The following SPTLC3 variants were observed in gnomAD, a reference collection of about 807,000 sequenced individuals.
The protein encoded by SPTLC3 is serine palmitoyltransferase long chain base subunit 3.
A neutral mutation model predicts 59.3 loss-of-function variants in SPTLC3; 36 were observed. The observed-to-expected ratio is 0.61, with a 90% CI of 0.47 to 0.80. The LOEUF is 0.80. Among genes scored for constraint, SPTLC3 ranks in the 30% least tolerant of loss-of-function variants. The pLI is 0.00. For missense variants in SPTLC3, 625 were observed against 685.1 expected, an observed-to-expected ratio of 0.91 and a Z score of 0.98; for synonymous variants, 257 against 240.8, an observed-to-expected ratio of 1.07 and a Z score of -0.62.
At chr20:13,161,339 G>A (rs770693330) in intron 11 of SPTLC3, among the ~76,000 whole-genome samples, 89 of 152,172 alleles carry the variant, frequency 5.8e-4, no homozygotes, top group Non-Finnish European at 8.8e-5. Context: ...ATGTGTCCAT[G>A]GTCCACCTAT....
intron 1 of SPTLC3, among the ~76,000 whole-genome samples, chr20:13,020,270 T>G (rs2122384172): frequency 6.6e-6 from 1 of 151,782 alleles, no homozygotes; most frequent in Admixed American, 6.6e-5. Flanking sequence ...CTAAAGCTTT[T>G]GGAGGACAAG....
rs181825634 is a variant in SPTLC3 at position 13,100,696 on chromosome 20, A to G, written c.826+7119A>G. 1.1e-4 allele frequency among the ~76,000 whole-genome samples: 16 copies of G among 152,332 alleles called. No homozygotes were observed. In the East Asian group the frequency reaches 2.7e-3, roughly 26 times the overall value. On this transcript the variant is annotated intron_variant, in intron 6 of 11. Transcript: ENST00000399002. ...CTACTCTATCATTTATTCAGCTTTC[A>G]CTGGTATTAAGTTCTTAGCTAACTG...
At chr20:13,154,246 A>T in intron 10 of SPTLC3, 108 bp downstream of exon 10, 1 of 1,397,010 alleles carries the variant, frequency 7.2e-7, no homozygotes, top group Non-Finnish European at 9.8e-7. Flanking sequence ...GAGTGAGTTC[A>T]GAATTCACTC....
intron 8 of SPTLC3, among the ~76,000 whole-genome samples, chr20:13,121,535 G>A (rs147570335): frequency 6.6e-6 from 1 of 152,112 alleles, no homozygotes; most frequent in African/African-American, 2.4e-5. Context: ...AACAATCAGG[G>A]TTTTGAACTT....
chr20:13,102,093 T>G (rs1189835069), intron 6 of SPTLC3, among the ~76,000 whole-genome samples: 58 of 152,190 alleles, frequency 3.8e-4, no homozygotes, highest in Non-Finnish European at 2.5e-4. Context: ...GGCCAGTGTT[T>G]GCCAGAAAAC....
In SPTLC3 at chr20:13,048,998, A is replaced by G. The variant is rs1170059332; in HGVS notation, c.171A>G (p.Glu57=). The change falls in exon 2 of 12, where the codon GAA becomes GAG. Residue 57 remains glutamate, a synonymous_variant. Transcript: ENST00000399002. ...YDKLIVESFE[E]APLHVMVFTY... Reference sequence around the variant, plus strand: ...AGCTCATTGTTGAATCGTTTGAGGAAGCACCCCTTCATGTTATGGTTTTCA... The same window carrying G: ...AGCTCATTGTTGAATCGTTTGAGGAGGCACCCCTTCATGTTATGGTTTTCA... 3.7e-6 allele frequency: 6 copies of G among 1,602,710 alleles called. No individual in the cohort carries two copies. The East Asian group carries it at 1.3e-4, about 36-fold the overall frequency.
intron 7 of SPTLC3, among the ~76,000 whole-genome samples, chr20:13,112,418 G>A (rs143024971): frequency 6.7e-4 from 102 of 152,300 alleles, no homozygotes; most frequent in Non-Finnish European, 9.8e-4. Flanking sequence ...AAAGGCTGCC[G>A]GCACTGAGAC....
chr20:13,123,592 C>T (rs562109596), intron 8 of SPTLC3, among the ~76,000 whole-genome samples: 3 of 152,278 alleles, frequency 2.0e-5, no homozygotes, highest in Middle Eastern at 3.4e-3. Context: ...GTAACTCCTG[C>T]GTTATATTCC....
intron 1 of SPTLC3, among the ~76,000 whole-genome samples, chr20:13,046,999 T>G (rs1987262146): frequency 6.6e-6 from 1 of 152,168 alleles, no homozygotes; most frequent in South Asian, 2.1e-4. Flanking sequence ...TATGTTAGTT[T>G]GGGGTACCTA....
chr20:13,026,943 G>C (rs1986177476), intron 1 of SPTLC3, among the ~76,000 whole-genome samples: 1 of 152,144 alleles, frequency 6.6e-6, no homozygotes. Flanking sequence ...TTGACTGATG[G>C]GAGCTGGATG....
chr20:13,032,791 T>G (rs1158012973), intron 1 of SPTLC3, among the ~76,000 whole-genome samples: 1 of 152,174 alleles, frequency 6.6e-6, no homozygotes, highest in Admixed American at 6.5e-5. Flanking sequence ...GCCTTGGCCC[T>G]CCTCAGATCC....
intron 1 of SPTLC3, among the ~76,000 whole-genome samples, chr20:13,016,833 G>A (rs548157345): frequency 4.6e-5 from 7 of 152,218 alleles, no homozygotes; most frequent in Non-Finnish European, 7.4e-5. Flanking sequence ...TCTTTAACAT[G>A]TCTTGAGATC....
At chr20:13,124,472 A>T (rs1207058956) in intron 8 of SPTLC3, among the ~76,000 whole-genome samples, 3 of 152,010 alleles carry the variant, frequency 2.0e-5, no homozygotes, top group Admixed American at 6.6e-5. Flanking sequence ...AGGGAAGGGG[A>T]AGGAAGGAAG....
At chr20:13,127,368 T>C (rs1378534522) in intron 9 of SPTLC3, among the ~76,000 whole-genome samples, 1 of 152,212 alleles carries the variant, frequency 6.6e-6, no homozygotes, top group Non-Finnish European at 1.5e-5. Context: ...CGGTGCTGAA[T>C]AAGGCAGTTC....
chr20:13,145,936 G>T (rs1215506948), intron 9 of SPTLC3, among the ~76,000 whole-genome samples: 2 of 152,118 alleles, frequency 1.3e-5, no homozygotes. Flanking sequence ...ATTAAATAGG[G>T]ACAAATATAA....
intron 1 of SPTLC3, among the ~76,000 whole-genome samples, chr20:13,045,194 T>G (rs916118306): frequency 2.2e-4 from 33 of 152,230 alleles, no homozygotes; most frequent in Admixed American, 2.0e-3. Context: ...CCAGTTTATT[T>G]CCAGATATGA....
chr20:13,106,515 A>G (rs1325977188), intron 6 of SPTLC3, among the ~76,000 whole-genome samples: 1 of 152,144 alleles, frequency 6.6e-6, no homozygotes, highest in East Asian at 1.9e-4. Flanking sequence ...AGACAAGAGG[A>G]AAAAAAGCAT....
chr20:13,040,549 A>G (rs1014957901), intron 1 of SPTLC3, among the ~76,000 whole-genome samples: 1 of 152,098 alleles, frequency 6.6e-6, no homozygotes, highest in African/African-American at 2.4e-5. Context: ...TAGTAGAGAC[A>G]GGGTTTCACC....
At chr20:13,133,393 A>G (rs189199311) in intron 9 of SPTLC3, among the ~76,000 whole-genome samples, 1 of 152,154 alleles carries the variant, frequency 6.6e-6, no homozygotes, top group African/African-American at 2.4e-5. Context: ...TTTCCCTCCC[A>G]TCAGACATTA....
Sources: allele counts gnomAD v4.1 joint callset (sites outside exome capture counted in the v4.1 genomes callset), GRCh38; gene constraint gnomAD v4.1.1; transcripts MANE v1.5; gene names NCBI Gene and HGNC (gene_info 2026-07-23, HGNC 2026-07-21).